ASIC2: variants seen among roughly 807,000 people sequenced by gnomAD.
The protein encoded by ASIC2 is acid-sensing ion channel 2.
Under a neutral mutation model 57.3 loss-of-function variants are expected in ASIC2, and 25 were observed. The ratio of observed to expected loss-of-function variants is 0.44; its 90% confidence interval spans 0.32 to 0.61. ASIC2 has a LOEUF of 0.61. Ranked by LOEUF, ASIC2 falls within the 20% of genes least tolerant of loss-of-function variation. The pLI, the probability that ASIC2 is intolerant of heterozygous loss-of-function variation, is 0.06. For missense variants in ASIC2, 641 were observed against 738.1 expected (o/e 0.87, Z 1.52); for synonymous variants, 319 against 307.5 (o/e 1.04, Z -0.39).
chr17:33,961,150 A>G (rs1904907614), intron 1 of ASIC2, among the ~76,000 whole-genome samples: 1 of 152,214 alleles, frequency 6.6e-6, no homozygotes, highest in Admixed American at 6.5e-5. Flanking sequence ...CTGAGAACAG[A>G]AGAACCAAAA....
At chr17:33,061,838 A>C (rs938228397) in intron 3 of ASIC2, among the ~76,000 whole-genome samples, 21 of 152,118 alleles carry the variant, frequency 1.4e-4, no homozygotes, top group African/African-American at 3.9e-4. Flanking sequence ...TCAATTTCAG[A>C]GCCTGTTATT....
At chr17:33,459,546 G>A (rs1004724100) in intron 1 of ASIC2, among the ~76,000 whole-genome samples, 1 of 152,218 alleles carries the variant, frequency 6.6e-6, no homozygotes. Flanking sequence ...CTGGAGCAGG[G>A]CGAGAAGCTG....
At chr17:34,039,632 C>A in intron 1 of ASIC2, 1 of 1,613,314 alleles carries the variant, frequency 6.2e-7, no homozygotes, top group Non-Finnish European at 8.5e-7. Flanking sequence ...ATTTTATGTC[C>A]CCTAGGAGTG....
chr17:33,847,179 G>C (rs1197608997), intron 1 of ASIC2, among the ~76,000 whole-genome samples: 1 of 151,556 alleles, frequency 6.6e-6, no homozygotes, highest in East Asian at 1.9e-4. Context: ...AGAAAGAGGA[G>C]CCTTACAGGA....
intron 1 of ASIC2, among the ~76,000 whole-genome samples, chr17:33,275,462 A>G (rs534370408): frequency 6.6e-6 from 1 of 152,368 alleles, no homozygotes; most frequent in African/African-American, 2.4e-5. Flanking sequence ...GGTATCAATT[A>G]ATGACTCCCA....
chr17:33,692,713 C>G (rs1908410582), intron 1 of ASIC2, among the ~76,000 whole-genome samples: 1 of 152,138 alleles, frequency 6.6e-6, no homozygotes, highest in Non-Finnish European at 1.5e-5. Context: ...TTACTGTATG[C>G]CCTAATGTAT....
rs149705057 is a variant in ASIC2 at position 33,666,971 on chromosome 17, C to T, written c.555+489007G>A. On this transcript the variant is annotated intron_variant, in intron 1 of 9. Transcript: ENST00000359872. ...ATCCTTATATTAAAATATTATTTGT[C>T]GTTTATCTGATATTTAAATTTAACT... 2.6e-5 allele frequency among the ~76,000 whole-genome samples: 4 copies of T among 152,246 alleles called. No individual in the cohort carries two copies. The East Asian group carries it at 5.8e-4, about 22-fold the overall frequency.
At chr17:34,016,152 C>T (rs1302385709) in intron 1 of ASIC2, among the ~76,000 whole-genome samples, 1 of 151,902 alleles carries the variant, frequency 6.6e-6, no homozygotes, top group African/African-American at 2.4e-5. Flanking sequence ...TGGCCAGGCA[C>T]AGTGGCTCAT....
intron 1 of ASIC2, among the ~76,000 whole-genome samples, chr17:34,115,159 C>G (rs1911391007): frequency 6.6e-6 from 1 of 152,138 alleles, no homozygotes; most frequent in Non-Finnish European, 1.5e-5. Flanking sequence ...GCTTAGTCAC[C>G]CCATTGCACA....
chr17:33,375,271 G>A lies in ASIC2; in HGVS notation c.556-263204C>T, dbSNP rs1909234122. 3.9e-5 allele frequency among the ~76,000 whole-genome samples: 6 copies of A among 152,096 alleles called. No individual in the cohort carries two copies. The South Asian group carries it at 1.0e-3, about 26-fold the overall frequency. ...AGACCTGAAAGAAACAAGGAAGTGA[G>A]CCATGTGGCTCTCTGAAGGAAGAAT... is the stretch of plus-strand genomic sequence containing the variant. On this transcript the variant is annotated intron_variant, in intron 1 of 9. Coordinates refer to the ASIC2 transcript ENST00000359872.
At chr17:33,065,256 G>A (rs1481982198) in intron 3 of ASIC2, among the ~76,000 whole-genome samples, 6 of 151,978 alleles carry the variant, frequency 3.9e-5, no homozygotes, top group Admixed American at 2.0e-4. Flanking sequence ...AGCTAACTGT[G>A]GCCTCGAACT....
intron 1 of ASIC2, among the ~76,000 whole-genome samples, chr17:34,022,067 G>C (rs1907183661): frequency 6.6e-6 from 1 of 152,098 alleles, no homozygotes; most frequent in Non-Finnish European, 1.5e-5. Flanking sequence ...TCGATCTCCT[G>C]ACCTTGTGAT....
At chr17:33,678,754 G>A (rs1457555578) in intron 1 of ASIC2, among the ~76,000 whole-genome samples, 1 of 152,138 alleles carries the variant, frequency 6.6e-6, no homozygotes, top group Non-Finnish European at 1.5e-5. Flanking sequence ...GCTGCATCCA[G>A]CTGGAACCTC....
chr17:34,033,704 T>C (rs531156717), intron 1 of ASIC2, among the ~76,000 whole-genome samples: 203 of 152,230 alleles, frequency 1.3e-3, no homozygotes, highest in Middle Eastern at 3.4e-3. Flanking sequence ...CCCACAGAAA[T>C]ACAAACTACC....
chr17:34,030,408 G>C (rs926105066), intron 1 of ASIC2, among the ~76,000 whole-genome samples: 10 of 152,238 alleles, frequency 6.6e-5, no homozygotes, highest in African/African-American at 2.4e-4. Context: ...AACAGCTCCG[G>C]TCTACAGCTC....
intron 1 of ASIC2, among the ~76,000 whole-genome samples, chr17:34,046,579 T>C (rs548338370): frequency 2.0e-5 from 3 of 152,294 alleles, no homozygotes; most frequent in African/African-American, 4.8e-5. Context: ...AAGATTTTTA[T>C]CCATAAATTC....
chr17:33,497,357 A>G (rs1463951350), intron 1 of ASIC2, among the ~76,000 whole-genome samples: 11 of 152,184 alleles, frequency 7.2e-5, no homozygotes, highest in African/African-American at 2.4e-4. Context: ...TGCCTCCTTT[A>G]TCTTCTTCCA....
intron 1 of ASIC2, among the ~76,000 whole-genome samples, chr17:33,479,538 G>A (rs1913335007): frequency 6.6e-6 from 1 of 152,214 alleles, no homozygotes; most frequent in East Asian, 1.9e-4. Context: ...TCTTTGCTGT[G>A]TTTGCAGGAG....
chr17:33,374,045 C>G (rs1172919447), intron 1 of ASIC2, among the ~76,000 whole-genome samples: 2 of 151,978 alleles, frequency 1.3e-5, no homozygotes, highest in East Asian at 3.9e-4. Flanking sequence ...GCCCAGGCTG[C>G]AGCACAGTAG....
Sources: allele counts gnomAD v4.1 joint callset (sites outside exome capture counted in the v4.1 genomes callset), GRCh38; gene constraint gnomAD v4.1.1; transcripts MANE v1.5; gene names NCBI Gene and HGNC (gene_info 2026-07-23, HGNC 2026-07-21).